Variants in RIMKLB observed in about 807,000 individuals in gnomAD.
RIMKLB encodes the protein beta-citrylglutamate synthase B.
A neutral mutation model predicts 32.0 loss-of-function variants in RIMKLB; 7 were observed. The observed-to-expected ratio is 0.22, with a 90% confidence interval of 0.12 to 0.41. The LOEUF (loss-of-function observed/expected upper bound fraction) is 0.41. Among genes scored for constraint, RIMKLB ranks in the 10% least tolerant of loss-of-function variants. The probability of loss-of-function intolerance (pLI) is 1.00; values close to 1 mark genes in which losing one functional copy is unlikely to be tolerated. For synonymous variants in RIMKLB, 172 were observed against 185.1 expected (o/e 0.93, Z 0.57); for missense variants, 289 against 498.7 (o/e 0.58, Z 4.00).
Position 8,776,585 on chromosome 12 carries a change from T to C in RIMKLB, c.*2801T>C. ...GTATTTCAAAAATGATTATTTCTGA[T>C]ATTGTTTTTATGTCACCCATGATGA... On this transcript the variant is annotated 3_prime_UTR_variant, in exon 6 of 6. Coordinates refer to ENST00000535829, the MANE Select transcript of RIMKLB (RefSeq NM_001297776.2). 2 of 828,566 alleles carry C rather than the reference T, an allele frequency of 2.4e-6. No homozygotes were observed. Among genetic ancestry groups the C allele is most frequent in the African/African-American group, 3.7e-5 (2 of 54,132 alleles). The allele number at this position is 828,566 out of a possible 1,614,324, so 51.3% of individuals were successfully genotyped here. A position where few individuals can be genotyped will look rare whatever the true frequency, so the allele number is the denominator to read the frequency against.
intron 2 of RIMKLB, among the ~76,000 whole-genome samples, chr12:8,733,553 C>G (rs1946736162): frequency 6.6e-6 from 1 of 152,084 alleles, no homozygotes; most frequent in Non-Finnish European, 1.5e-5. Flanking sequence ...ATTTTAAATT[C>G]ATGTGAAGAA....
chr12:8,712,137 T>G (rs1287191388), intron 1 of RIMKLB, among the ~76,000 whole-genome samples: 1 of 151,618 alleles, frequency 6.6e-6, no homozygotes, highest in African/African-American at 2.4e-5. Flanking sequence ...CCATAGTGTT[T>G]ATATATTTTT....
chr12:8,704,740 G>A (rs1470625347), intron 1 of RIMKLB, among the ~76,000 whole-genome samples: 4 of 152,152 alleles, frequency 2.6e-5, no homozygotes, highest in East Asian at 1.9e-4. Flanking sequence ...CCAGCTATCC[G>A]GGAGACTGAG....
chr12:8,764,988 A>G (rs1182726880), intron 5 of RIMKLB, among the ~76,000 whole-genome samples: 1 of 150,012 alleles, frequency 6.7e-6, no homozygotes, highest in Non-Finnish European at 1.5e-5. Flanking sequence ...CCTGATTTCT[A>G]TTATAAAAAA....
At chr12:8,723,804 CTTTTTTTTTTTTTTT>C (rs35269536) in intron 2 of RIMKLB, among the ~76,000 whole-genome samples, 1 of 75,502 alleles carries the variant, frequency 1.3e-5, no homozygotes, top group Non-Finnish European at 2.3e-5. Flanking sequence ...CTTCAGTTCC[CTTTTTTTTTTTTTTT>C]TTTTTTTTTG....
chr12:8,736,834 G>A (rs1207757819), intron 2 of RIMKLB, among the ~76,000 whole-genome samples: 1 of 151,288 alleles, frequency 6.6e-6, no homozygotes, highest in African/African-American at 2.4e-5. Flanking sequence ...TTTTTGAGAC[G>A]GAGTTTCGCT....
At chr12:8,779,170 T>C (rs1950899579), downstream of RIMKLB, 1 of 152,230 alleles carries the variant, frequency 6.6e-6, no homozygotes, top group South Asian at 2.1e-4. Context: ...GACTATGTGA[T>C]TGTATAAGGC....
chr12:8,772,188 A>G (rs1950463340), intron 5 of RIMKLB, among the ~76,000 whole-genome samples: 1 of 152,016 alleles, frequency 6.6e-6, no homozygotes, highest in African/African-American at 2.4e-5. Flanking sequence ...GCTGGCCCAA[A>G]TTTTTTATCT....
intron 2 of RIMKLB, among the ~76,000 whole-genome samples, chr12:8,741,674 G>A (rs1021216085): frequency 1.3e-5 from 2 of 150,948 alleles, no homozygotes; most frequent in Admixed American, 1.3e-4. Flanking sequence ...CAGCTACTCG[G>A]GAGGCTGAGG....
upstream of RIMKLB, among the ~76,000 whole-genome samples, chr12:8,681,231 C>T (rs1326950520): frequency 1.3e-5 from 2 of 152,078 alleles, no homozygotes; most frequent in East Asian, 3.9e-4. Flanking sequence ...TCCCAAAGTA[C>T]TAGGATTACA....
chr12:8,782,897 G>GT (rs1247987509), intron 7 of RIMKLB: 3 of 152,066 alleles, frequency 2.0e-5, no homozygotes, highest in Non-Finnish European at 2.9e-5. Context: ...AATAAGTTGT[G>GT]TTTTTCCCCC....
chr12:8,718,461 T>C (rs1945075189), intron 2 of RIMKLB, among the ~76,000 whole-genome samples: 1 of 152,120 alleles, frequency 6.6e-6, no homozygotes, highest in South Asian at 2.1e-4. Context: ...CTGGCCAACA[T>C]GGTGAAACCC....
chr12:8,761,839 C>T (rs1021880326), intron 5 of RIMKLB, among the ~76,000 whole-genome samples: 4 of 152,046 alleles, frequency 2.6e-5, no homozygotes, highest in African/African-American at 7.2e-5. Context: ...TAGTAGGGGT[C>T]GTGCAGTCGA....
At chr12:8,747,436 T>C (rs1565609573) in intron 2 of RIMKLB, among the ~76,000 whole-genome samples, 3 of 152,152 alleles carry the variant, frequency 2.0e-5, no homozygotes, top group Admixed American at 6.6e-5. Flanking sequence ...TATGCCTTAA[T>C]TTTGCCATTA....
chr12:8,768,681 T>C (rs1418812040), intron 5 of RIMKLB, among the ~76,000 whole-genome samples: 1 of 152,164 alleles, frequency 6.6e-6, no homozygotes, highest in Non-Finnish European at 1.5e-5. Flanking sequence ...CTAGTTCCTT[T>C]TGCAGTAATA....
At chr12:8,741,150 G>A (rs982574752) in intron 2 of RIMKLB, among the ~76,000 whole-genome samples, 3 of 152,126 alleles carry the variant, frequency 2.0e-5, no homozygotes, top group Admixed American at 2.0e-4. Flanking sequence ...AGGTTGCAGT[G>A]AGCCGAGACT....
intron 1 of RIMKLB, among the ~76,000 whole-genome samples, chr12:8,699,574 T>A (rs1233001046): frequency 6.6e-6 from 1 of 152,162 alleles, no homozygotes; most frequent in Non-Finnish European, 1.5e-5. Context: ...TTTCCAATGG[T>A]TACTGTTTTA....
At chr12:8,736,906 C>A (rs772820008) in intron 2 of RIMKLB, among the ~76,000 whole-genome samples, 1 of 152,074 alleles carries the variant, frequency 6.6e-6, no homozygotes, top group African/African-American at 2.4e-5. Flanking sequence ...CTGCCTCCCG[C>A]GTTCAGGCAG....
intron 5 of RIMKLB, among the ~76,000 whole-genome samples, chr12:8,761,238 A>G (rs1198652723): frequency 6.8e-6 from 1 of 146,410 alleles, no homozygotes; most frequent in Non-Finnish European, 1.5e-5. Context: ...CGGTTAACTC[A>G]GGTGGTTGAG....
Sources: gnomAD v4.1 joint callset for allele counts (sites outside exome capture counted in the v4.1 genomes callset) on GRCh38, gnomAD v4.1.1 for gene constraint, MANE v1.5 for transcripts, NCBI Gene and HGNC (gene_info 2026-07-23, HGNC 2026-07-21) for gene names.